GRIA1: variants seen among roughly 807,000 people sequenced by gnomAD.
GRIA1 encodes the protein glutamate ionotropic receptor AMPA type subunit 1.
In GRIA1, 31 loss-of-function variants were observed where a neutral mutation model predicts 99.2. The observed-to-expected ratio is 0.31, with a 90% confidence interval of 0.23 to 0.42. GRIA1 has a LOEUF of 0.42. GRIA1 is among the 10% of genes least tolerant of loss of function. The probability of loss-of-function intolerance (pLI) is 1.00; values close to 1 mark genes in which losing one functional copy is unlikely to be tolerated. For missense variants in GRIA1, 782 were observed against 1,157.5 expected, an observed-to-expected ratio of 0.68 and a Z score of 4.71; for synonymous variants, 438 against 432.4, an observed-to-expected ratio of 1.01 and a Z score of -0.16.
chr5:153,603,684 G>A (rs748584454), intron 2 of GRIA1, among the ~76,000 whole-genome samples: 1 of 152,160 alleles, frequency 6.6e-6, no homozygotes, highest in East Asian at 1.9e-4. Flanking sequence ...TCTTATATTA[G>A]GAGTAGTGGC....
At chr5:153,552,312 C>T (rs11745911) in intron 2 of GRIA1, among the ~76,000 whole-genome samples, 70,886 of 151,832 alleles carry the variant, frequency 0.47, 18,281 homozygotes, top group Non-Finnish European at 0.59. Context: ...CAGCCGAATG[C>T]TGGCCACGTC....
At chr5:153,638,452 CCT>C (rs1753548276) in intron 2 of GRIA1, among the ~76,000 whole-genome samples, 1 of 152,216 alleles carries the variant, frequency 6.6e-6, no homozygotes. Context: ...GCATGCATCT[CCT>C]CTCTGTTCAC....
chr5:153,633,208 C>T (rs1753103913), intron 2 of GRIA1, among the ~76,000 whole-genome samples: 1 of 152,146 alleles, frequency 6.6e-6, no homozygotes, highest in African/African-American at 2.4e-5. Flanking sequence ...TCCTCAAATG[C>T]TTCCCCCAGT....
intron 11 of GRIA1, among the ~76,000 whole-genome samples, chr5:153,759,200 AC>A (rs1341340591): frequency 1.3e-5 from 2 of 151,398 alleles, no homozygotes; most frequent in African/African-American, 2.4e-5. Context: ...TCTCAAATTT[AC>A]AGAAGGAAAT....
At chr5:153,524,457 C>CT (rs33969374) in intron 2 of GRIA1, among the ~76,000 whole-genome samples, 53,911 of 152,058 alleles carry the variant, frequency 0.35, 9,949 homozygotes, top group African/African-American at 0.46. Flanking sequence ...GGATACAAAT[C>CT]TTTCCTGGTA....
chr5:153,729,796 C>T (rs1760878343), intron 11 of GRIA1, among the ~76,000 whole-genome samples: 1 of 152,072 alleles, frequency 6.6e-6, no homozygotes, highest in South Asian at 2.1e-4. Flanking sequence ...GCTGAAACCT[C>T]TAAAACCCTC....
chr5:153,770,502 A>C, intron 13 of GRIA1, 87 bp downstream of exon 13: 1 of 1,253,308 alleles, frequency 8.0e-7, no homozygotes, highest in Non-Finnish European at 1.1e-6. Context: ...CAAGCCTCCA[A>C]TGCCACAATG....
intron 11 of GRIA1, among the ~76,000 whole-genome samples, chr5:153,745,422 T>C (rs1169616911): frequency 2.6e-5 from 4 of 151,938 alleles, no homozygotes; most frequent in African/African-American, 9.7e-5. Flanking sequence ...ACCCCATCTC[T>C]ACTAAAGATA....
At chr5:153,794,522 G>T in intron 13 of GRIA1, 99 bp from the exon 14 acceptor site, 14 of 798,730 alleles carry the variant, frequency 1.8e-5, no homozygotes, top group Non-Finnish European at 2.8e-5. Flanking sequence ...AACCTGGCAG[G>T]CTGGGTAATG....
At chr5:153,591,606 T>C (rs1157133807) in intron 2 of GRIA1, among the ~76,000 whole-genome samples, 3 of 152,248 alleles carry the variant, frequency 2.0e-5, no homozygotes, top group African/African-American at 7.2e-5. Flanking sequence ...GCTGAATTCC[T>C]AGAACCCAAC....
In GRIA1 at chr5:153,589,481, T is replaced by A. The variant is rs528619994; in HGVS notation, c.221-57447T>A. 4.6e-5 allele frequency among the ~76,000 whole-genome samples: 7 copies of A among 152,300 alleles called. No homozygotes were observed. In the South Asian group the frequency reaches 1.2e-3, roughly 27 times the overall value. On this transcript the variant is annotated intron_variant, in intron 2 of 15. Coordinates refer to ENST00000285900, the MANE Select transcript of GRIA1 (RefSeq NM_000827.4). ...TTTGTAGAATTTGCAATATTAGATA[T>A]AAATTTATTATAAAAGGGTATGTTA...
intron 5 of GRIA1, among the ~76,000 whole-genome samples, chr5:153,661,308 C>T (rs1436239958): frequency 2.0e-5 from 3 of 152,248 alleles, no homozygotes; most frequent in East Asian, 3.9e-4. Flanking sequence ...GACTTTTATA[C>T]TTATTAGCTA....
intron 2 of GRIA1, among the ~76,000 whole-genome samples, chr5:153,570,395 G>T (rs950082579): frequency 6.6e-5 from 10 of 152,170 alleles, no homozygotes; most frequent in Admixed American, 4.6e-4. Context: ...AAACAGTGTT[G>T]CTCAGCCACC....
intron 1 of GRIA1, chr5:153,491,439 A>T (rs1753908218): frequency 2.4e-6 from 1 of 409,566 alleles, no homozygotes; most frequent in Non-Finnish European, 3.3e-6. Context: ...GGGACAGAAA[A>T]GAGACCCTCG....
chr5:153,541,948 A>AAC (rs1358739604), intron 2 of GRIA1, among the ~76,000 whole-genome samples: 1 of 149,764 alleles, frequency 6.7e-6, no homozygotes, highest in Non-Finnish European at 1.5e-5. Flanking sequence ...AAAAAAAAAA[A>AAC]AAAACAAGAA....
rs1766871977 is a variant in GRIA1 at position 153,812,342 on chromosome 5, A to T, written c.*1117A>T. 6.6e-6 allele frequency: 1 copy of T among 152,182 alleles called. No individual in the cohort carries two copies. Among genetic ancestry groups the T allele is most frequent in the Non-Finnish European group, 1.5e-5 (1 of 68,036 alleles). The allele number at this position is 152,182 out of a possible 1,614,324, so 9.4% of individuals were successfully genotyped here. A position where few individuals can be genotyped will look rare whatever the true frequency, so the allele number is the denominator to read the frequency against. On this transcript the variant is annotated 3_prime_UTR_variant, in exon 16 of 16. Transcript: ENST00000285900. ...ATTTTGGAAGAGGAAGCCTCATCAAAAGCTCACACAAAATAGAGCTTCCCA... is the reference window on the plus strand; with the variant it reads ...ATTTTGGAAGAGGAAGCCTCATCAATAGCTCACACAAAATAGAGCTTCCCA...
intron 11 of GRIA1, among the ~76,000 whole-genome samples, chr5:153,706,704 T>C (rs1758922351): frequency 1.3e-5 from 2 of 152,134 alleles, no homozygotes; most frequent in Admixed American, 1.3e-4. Context: ...GTCTTCATCT[T>C]AAAGAGAAAA....
intron 2 of GRIA1, among the ~76,000 whole-genome samples, chr5:153,541,533 A>G (rs1198400842): frequency 6.6e-6 from 1 of 152,216 alleles, no homozygotes; most frequent in African/African-American, 2.4e-5. Context: ...TGATGCAGGT[A>G]TTAACTCTAA....
At chr5:153,599,367 T>G (rs1057447352) in intron 2 of GRIA1, among the ~76,000 whole-genome samples, 40 of 152,196 alleles carry the variant, frequency 2.6e-4, no homozygotes, top group African/African-American at 9.4e-4. Flanking sequence ...TCCTAAAAGA[T>G]CACAATCTTG....
Sources: allele counts gnomAD v4.1 joint callset (sites outside exome capture counted in the v4.1 genomes callset), GRCh38; gene constraint gnomAD v4.1.1; transcripts MANE v1.5; gene names NCBI Gene and HGNC (gene_info 2026-07-23, HGNC 2026-07-21).